The following CALN1 variants were observed in gnomAD, a reference collection of about 807,000 sequenced individuals.
The protein encoded by CALN1 is calcium-binding protein 8.
Under a neutral mutation model 30.6 loss-of-function variants are expected in CALN1, and 17 were observed. That is an observed-to-expected ratio of 0.56 (90% CI 0.38 to 0.83). The LOEUF (loss-of-function observed/expected upper bound fraction) is 0.83. Ranked by LOEUF, CALN1 falls within the 40% of genes least tolerant of loss-of-function variation. CALN1 has a pLI of 0.00. For missense variants in CALN1, 291 were observed against 354.9 expected (o/e 0.82, Z 1.45); for synonymous variants, 156 against 131.4 (o/e 1.19, Z -1.28).
chr7:71,902,873 A>G (rs547805387), intron 5 of CALN1, among the ~76,000 whole-genome samples: 59 of 152,134 alleles, frequency 3.9e-4, no homozygotes, highest in Non-Finnish European at 6.9e-4. Context: ...TAAGTGAAAT[A>G]ACTCAGAAAG....
intron 2 of CALN1, among the ~76,000 whole-genome samples, chr7:72,351,631 GA>G (rs1802927970): frequency 2.0e-5 from 3 of 152,118 alleles, no homozygotes; most frequent in Non-Finnish European, 2.9e-5. Flanking sequence ...AGTATCATTT[GA>G]TATCACACTG....
intron 2 of CALN1, among the ~76,000 whole-genome samples, chr7:72,374,558 G>A (rs7455519): frequency 3.8e-4 from 52 of 138,442 alleles, no homozygotes; most frequent in South Asian, 6.8e-4. Context: ...GGAAAAAAAA[G>A]AAAAAAAAAA....
intron 5 of CALN1, among the ~76,000 whole-genome samples, chr7:71,939,882 C>A (rs1796034266): frequency 6.6e-6 from 1 of 152,144 alleles, no homozygotes; most frequent in Non-Finnish European, 1.5e-5. Context: ...ACAATGGGAG[C>A]TACCAGGGAA....
chr7:71,997,672 G>C (rs1434467712), intron 5 of CALN1, among the ~76,000 whole-genome samples: 1 of 151,956 alleles, frequency 6.6e-6, no homozygotes, highest in Non-Finnish European at 1.5e-5. Context: ...ATTCTAGAAA[G>C]CATCCAGAAA....
At chr7:72,455,486 C>T in the CALN1 span, among the ~76,000 whole-genome samples, 1 of 151,976 alleles carries the variant, frequency 6.6e-6, no homozygotes, top group Non-Finnish European at 1.5e-5. Context: ...TAGCCTATGA[C>T]TCAGTGACAA....
At chr7:71,883,517 A>G (rs1792710375) in intron 5 of CALN1, among the ~76,000 whole-genome samples, 1 of 152,162 alleles carries the variant, frequency 6.6e-6, no homozygotes, top group Non-Finnish European at 1.5e-5. Context: ...GGAAGTAATA[A>G]TGAGCAGGAA....
intron 5 of CALN1, among the ~76,000 whole-genome samples, chr7:71,950,528 C>G (rs941538232): frequency 6.6e-6 from 1 of 152,098 alleles, no homozygotes; most frequent in African/African-American, 2.4e-5. Context: ...AAGCATAGCC[C>G]GAACTGATCC....
intron 2 of CALN1, among the ~76,000 whole-genome samples, chr7:72,379,619 G>C (rs1378905247): frequency 1.3e-5 from 2 of 152,208 alleles, no homozygotes; most frequent in Non-Finnish European, 1.5e-5. Context: ...ATTTCACCTT[G>C]AAAACTCTTG....
chr7:71,990,844 G>A (rs1391780431), intron 5 of CALN1, among the ~76,000 whole-genome samples: 1 of 152,090 alleles, frequency 6.6e-6, no homozygotes, highest in Non-Finnish European at 1.5e-5. Flanking sequence ...TCTTTCTTGT[G>A]CGAGGTCCAA....
intron 2 of CALN1, among the ~76,000 whole-genome samples, chr7:72,328,503 A>G (rs1190922687): frequency 6.6e-6 from 1 of 152,168 alleles, no homozygotes; most frequent in Non-Finnish European, 1.5e-5. Flanking sequence ...TCCTTTATAA[A>G]TTACCCAGTC....
At chr7:72,169,588 G>A (rs1788792932) in intron 3 of CALN1, among the ~76,000 whole-genome samples, 1 of 151,432 alleles carries the variant, frequency 6.6e-6, no homozygotes, top group African/African-American at 2.4e-5. Flanking sequence ...CTCTCAAAGT[G>A]CTGAGGTTAC....
At chr7:71,960,684 G>A (rs1051267729) in intron 5 of CALN1, among the ~76,000 whole-genome samples, 1 of 152,144 alleles carries the variant, frequency 6.6e-6, no homozygotes, top group African/African-American at 2.4e-5. Flanking sequence ...TCCTGGTAGT[G>A]GGATTGCTGG....
chr7:72,051,455 C>T (rs1339081457), intron 4 of CALN1, among the ~76,000 whole-genome samples: 1 of 151,986 alleles, frequency 6.6e-6, no homozygotes, highest in Non-Finnish European at 1.5e-5. Flanking sequence ...AACTGATAAC[C>T]TATTTTTAAA....
chr7:72,277,216 T>G lies in CALN1; in HGVS notation c.244+1470A>C, dbSNP rs190965607. 2.5e-3 allele frequency among the ~76,000 whole-genome samples: 376 copies of G among 152,270 alleles called. 3 individuals are homozygous for G. Among genetic ancestry groups the G allele is most frequent in the African/African-American group, 8.5e-3 (354 of 41,544 alleles). ...GCCTCCCAAACTGTGAGAAATAAAT[T>G]TCTGTTTTTTATGAGCCACCTAGTC... On this transcript the variant is annotated intron_variant, in intron 3 of 6. Transcript: ENST00000395275.
Position 72,013,917 on chromosome 7 carries a change from T to C in CALN1, c.501+9740A>G, listed in dbSNP as rs187919620. ...ACTAAATGTAGAAAATTATTTTAAA[T>C]CACAGGGTTTGAACATATTTTAAAT... On this transcript the variant is annotated intron_variant, in intron 5 of 6. Transcript: ENST00000395275. Among the ~76,000 whole-genome samples the C allele has an allele frequency of 3.0e-4, 45 of 152,220 alleles. 1 individual carries two copies. The East Asian group carries it at 8.3e-3, about 28-fold the overall frequency.
intron 5 of CALN1, among the ~76,000 whole-genome samples, chr7:72,009,287 T>C (rs1799941970): frequency 1.3e-5 from 2 of 152,170 alleles, no homozygotes. Context: ...TGTAATTTTG[T>C]ATAAACTATA....
intron 5 of CALN1, among the ~76,000 whole-genome samples, chr7:72,023,332 C>T (rs1800815612): frequency 6.6e-6 from 1 of 152,182 alleles, no homozygotes; most frequent in African/African-American, 2.4e-5. Context: ...TATCCCGGAA[C>T]TGGGGTCAAA....
At chr7:72,397,751 C>CA (rs869209266) in intron 2 of CALN1, among the ~76,000 whole-genome samples, 1 of 147,616 alleles carries the variant, frequency 6.8e-6, no homozygotes, top group South Asian at 2.2e-4. Context: ...CACACACACA[C>CA]CTTGCTCCAA....
At chr7:72,364,832 C>G (rs1021614696) in intron 2 of CALN1, among the ~76,000 whole-genome samples, 2 of 152,132 alleles carry the variant, frequency 1.3e-5, no homozygotes, top group African/African-American at 4.8e-5. Context: ...TATTAGTATT[C>G]GAGATCAGCC....
Sources: gnomAD v4.1 joint callset for allele counts (sites outside exome capture counted in the v4.1 genomes callset) on GRCh38, gnomAD v4.1.1 for gene constraint, MANE v1.5 for transcripts, NCBI Gene and HGNC (gene_info 2026-07-23, HGNC 2026-07-21) for gene names.